MID1: variants seen among roughly 807,000 people sequenced by gnomAD.
The protein encoded by MID1 is E3 ubiquitin-protein ligase Midline-1.
A neutral mutation model predicts 40.4 loss-of-function variants in MID1; 7 were observed. The ratio of observed to expected loss-of-function variants is 0.17; its 90% confidence interval spans 0.10 to 0.33. MID1 has a LOEUF of 0.33. Among genes scored for constraint, MID1 ranks in the 10% least tolerant of loss-of-function variants. The pLI, the probability that MID1 is intolerant of heterozygous loss-of-function variation, is 1.00. For synonymous variants in MID1, 229 were observed against 221.2 expected (o/e 1.04, Z -0.31); for missense variants, 367 against 558.5 (o/e 0.66, Z 3.46).
intron 1 of MID1, among the ~76,000 whole-genome samples, chrX:10,652,898 A>G (rs952213005): frequency 3.6e-5 from 4 of 112,081 alleles, no homozygotes; most frequent in African/African-American, 9.7e-5. Context: ...ACCTTACACG[A>G]AAGGGTAACC....
At chrX:10,765,659 C>A (rs2043714959) in intron 1 of MID1, among the ~76,000 whole-genome samples, 1 of 111,109 alleles carries the variant, frequency 9.0e-6, no homozygotes. Context: ...AAGAGTGAGT[C>A]AAAAAATTCA....
chrX:10,570,639 T>C (rs1489635387), intron 1 of MID1, among the ~76,000 whole-genome samples: 1 of 112,564 alleles, frequency 8.9e-6, no homozygotes, highest in African/African-American at 3.2e-5. Context: ...CTCAATATAT[T>C]TGAACAGAGG....
At position 10,732,936 on chromosome X, in the gene MID1, T is replaced by C. The variant is rs752277675; in HGVS notation, c.-187+100618A>G. Among the ~76,000 whole-genome samples, 306 of 104,468 alleles carry C rather than the reference T, an allele frequency of 2.9e-3. 2 individuals are homozygous for C. Among genetic ancestry groups the C allele is most frequent in the African/African-American group, 0.01 (296 of 28,523 alleles). The allele number at this position is 104,468 out of a possible 115,157, so 90.7% of individuals were successfully genotyped here. On this transcript the variant is annotated intron_variant, in intron 1 of 10. Transcript: ENST00000380785. ...TGGAGTTCAGTGGCGCGATCTCCGC[T>C]CACTGCAACCTCCACCTCCCGGGTT... is the stretch of plus-strand genomic sequence containing the variant.
chrX:10,721,094 T>C lies in MID1; in HGVS notation c.-186-100675A>G, dbSNP rs373605470. 2.5e-3 allele frequency among the ~76,000 whole-genome samples: 273 copies of C among 110,137 alleles called. 9 individuals carry two copies. In the South Asian group the frequency reaches 0.1, roughly 42 times the overall value. On this transcript the variant is annotated intron_variant, in intron 1 of 10. Transcript: ENST00000380785. ...GGATAGCATTAGGAGATATACCTAA[T>C]GTTAAATGACGAGTTAATGGGTGCA... is the stretch of plus-strand genomic sequence containing the variant.
At chrX:10,528,612 C>T (rs925413154) in intron 2 of MID1, among the ~76,000 whole-genome samples, 1 of 111,445 alleles carries the variant, frequency 9.0e-6, no homozygotes, top group African/African-American at 3.3e-5. Flanking sequence ...CTTTATTTAC[C>T]AAAACAAGTG....
chrX:10,717,107 C>T (rs1297632723), intron 1 of MID1, among the ~76,000 whole-genome samples: 2 of 111,670 alleles, frequency 1.8e-5, no homozygotes, highest in African/African-American at 6.5e-5. Context: ...ATTGTAAAGA[C>T]CATCAAGGCT....
intron 1 of MID1, among the ~76,000 whole-genome samples, chrX:10,577,327 C>T (rs1206227294): frequency 8.9e-6 from 1 of 111,818 alleles, no homozygotes. Flanking sequence ...TGGGGCCTTT[C>T]AGTGTCGTAC....
chrX:10,591,674 CT>C, intron 1 of MID1, among the ~76,000 whole-genome samples: 1 of 110,026 alleles, frequency 9.1e-6, no homozygotes, highest in East Asian at 2.9e-4. Flanking sequence ...TCCGTTCCCC[CT>C]TCCCACCTCC....
intron 1 of MID1, among the ~76,000 whole-genome samples, chrX:10,580,520 ATATCT>A (rs1191048395): frequency 1.8e-5 from 2 of 111,238 alleles, no homozygotes; most frequent in East Asian, 5.6e-4. Flanking sequence ...CATGGTGGTA[ATATCT>A]TATACTTTTC....
rs1046336818 is a variant in MID1, at chrX:10,550,032, A to G, written c.660+16856T>C. On this transcript the variant is annotated intron_variant, in intron 2 of 9. Transcript: ENST00000317552. ...TGCAAGGATAAAGACGCAATGCTATATAAATATAAATGGTTCCTTTGGAAG... is the reference window on the plus strand; with the variant it reads ...TGCAAGGATAAAGACGCAATGCTATGTAAATATAAATGGTTCCTTTGGAAG... 3.5e-5 allele frequency among the ~76,000 whole-genome samples: 4 copies of G among 113,173 alleles called. No homozygotes were observed. In the Admixed American group the frequency reaches 3.7e-4, roughly 11 times the overall value.
At chrX:10,825,946 C>T (rs1397578308) in intron 1 of MID1, among the ~76,000 whole-genome samples, 1 of 111,302 alleles carries the variant, frequency 9.0e-6, no homozygotes, top group Non-Finnish European at 1.9e-5. Context: ...TTTGATTGTT[C>T]CAAAAATTCT....
intron 1 of MID1, among the ~76,000 whole-genome samples, chrX:10,817,964 C>G (rs2044151291): frequency 8.9e-6 from 1 of 111,773 alleles, no homozygotes; most frequent in Non-Finnish European, 1.9e-5. Flanking sequence ...TTGAGAATGA[C>G]AAGAAGAGAA....
In MID1 at chrX:10,711,051, C is replaced by T. The variant is rs1293309115; in HGVS notation, c.-186-90632G>A. ...CAATGATGGCACTATGGTGCCTCCT[C>T]TTCACATCCCCACCCCCCAGCCTCA... On this transcript the variant is annotated intron_variant, in intron 1 of 10. Coordinates refer to the MID1 transcript ENST00000380785. Among the ~76,000 whole-genome samples, 4 of 111,633 alleles carry T rather than the reference C, an allele frequency of 3.6e-5. No homozygotes were observed. The East Asian group carries it at 1.1e-3, about 31-fold the overall frequency.
intron 2 of MID1, among the ~76,000 whole-genome samples, chrX:10,535,328 T>C (rs1022880868): frequency 2.7e-5 from 3 of 112,252 alleles, no homozygotes; most frequent in African/African-American, 9.7e-5. Context: ...AAATCAATAA[T>C]TTATTCAATT....
Position 10,450,050 on chromosome X carries a change from A to G in MID1, c.1656-334T>C, listed in dbSNP as rs138577062. ...ATCTACACAATGAATTCGCTAGACC[A>G]GTGCTGACCAAAAGAACTTTCTTCA... is the stretch of plus-strand genomic sequence containing the variant. On this transcript the variant is annotated intron_variant, in intron 9 of 9. Transcript: ENST00000317552. 2.0e-3 allele frequency among the ~76,000 whole-genome samples: 227 copies of G among 112,532 alleles called. 1 individual carries two copies. The highest frequency in any genetic ancestry group is 6.6e-3 in the African/African-American group (204 of 30,973).
In MID1 at chrX:10,805,981, C is replaced by G. The variant is rs1268169904; in HGVS notation, c.-187+27573G>C. Among the ~76,000 whole-genome samples, 4 of 108,173 alleles carry G rather than the reference C, an allele frequency of 3.7e-5. No individual in the cohort carries two copies. The Admixed American group carries it at 4.0e-4, about 11-fold the overall frequency. The allele number at this position is 108,173 out of a possible 115,157, so 93.9% of individuals were successfully genotyped here. Reference sequence around the variant, plus strand: ...TAGATTCTGGATATTAGCCCTTTGTCAGATGAGTAGGTTGCGAAAATTTTC... The same window carrying G: ...TAGATTCTGGATATTAGCCCTTTGTGAGATGAGTAGGTTGCGAAAATTTTC... On this transcript the variant is annotated intron_variant, in intron 1 of 10. Transcript: ENST00000380785.
intron 4 of MID1, among the ~76,000 whole-genome samples, chrX:10,483,612 A>G (rs935935488): frequency 1.7e-4 from 19 of 112,219 alleles, no homozygotes; most frequent in African/African-American, 6.2e-4. Context: ...CGGCTTTATG[A>G]TAATTCTGGA....
chrX:10,804,330 A>T (rs1374398849), intron 1 of MID1, among the ~76,000 whole-genome samples: 1 of 111,997 alleles, frequency 8.9e-6, no homozygotes, highest in African/African-American at 3.2e-5. Context: ...GCCTTTTAGA[A>T]TGCCTTGTAA....
intron 1 of MID1, among the ~76,000 whole-genome samples, chrX:10,609,763 G>A (rs1420694687): frequency 9.9e-6 from 1 of 100,983 alleles, no homozygotes; most frequent in African/African-American, 3.7e-5. Context: ...TTTGGCCCAG[G>A]CTGGAGTGCA....
Sources: gnomAD v4.1 joint callset for allele counts (sites outside exome capture counted in the v4.1 genomes callset) on GRCh38, gnomAD v4.1.1 for gene constraint, MANE v1.5 for transcripts, NCBI Gene and HGNC (gene_info 2026-07-23, HGNC 2026-07-21) for gene names.